Variants in ATG2B observed in about 807,000 individuals in gnomAD.
ATG2B encodes autophagy-related protein 2 homolog B.
A neutral mutation model predicts 241.3 loss-of-function variants in ATG2B; 121 were observed. The observed-to-expected ratio is 0.50, with a 90% CI of 0.43 to 0.58. The LOEUF is 0.58. Ranked by LOEUF, ATG2B falls within the 20% of genes least tolerant of loss-of-function variation. The probability of loss-of-function intolerance (pLI) is 0.00; values close to 1 mark genes in which losing one functional copy is unlikely to be tolerated. For missense variants in ATG2B, 2,306 were observed against 2,491.6 expected, an observed-to-expected ratio of 0.93 and a Z score of 1.59; for synonymous variants, 858 against 876.6, an observed-to-expected ratio of 0.98 and a Z score of 0.37.
intron 18 of ATG2B, among the ~76,000 whole-genome samples, chr14:96,320,280 C>T (rs1003810216): frequency 6.6e-6 from 1 of 152,048 alleles, no homozygotes; most frequent in African/African-American, 2.4e-5. Context: ...CTGTGTCTGG[C>T]TTCAAATCTG....
At position 96,295,220 on chromosome 14, in the gene ATG2B, A is replaced by C. The variant is rs1770547; in HGVS notation, c.5219-53T>G. ...AATTAGATATGCTTCTTCTTAGCAAACATTTAAATCAATCTTGATCTAATT... is the reference window on the plus strand; with the variant it reads ...AATTAGATATGCTTCTTCTTAGCAACCATTTAAATCAATCTTGATCTAATT... On this transcript the variant is annotated intron_variant, in intron 35 of 41. Transcript: ENST00000359933. 1,025,224 of 1,400,320 alleles carry C rather than the reference A, an allele frequency of 0.73. 377,040 individuals carry two copies. The highest frequency in any genetic ancestry group is 0.82 in the East Asian group (35,783 of 43,522). 86.7% of individuals were successfully genotyped at this position (1,400,320 alleles called of 1,614,324 possible).
At chr14:96,337,194 G>A (rs1426317980) in intron 6 of ATG2B, among the ~76,000 whole-genome samples, 1 of 152,180 alleles carries the variant, frequency 6.6e-6, no homozygotes, top group Non-Finnish European at 1.5e-5. Flanking sequence ...TGGCTGGCAT[G>A]TGGTAGTCAC....
chr14:96,348,922 AAAAATTAAAAAG>A (rs1156644963), intron 1 of ATG2B, among the ~76,000 whole-genome samples: 1 of 152,208 alleles, frequency 6.6e-6, no homozygotes, highest in Non-Finnish European at 1.5e-5. Context: ...ATTAAAAGTT[AAAAATTAAAAAG>A]AAAGCAGAGA....
At position 96,290,875 on chromosome 14, in the gene ATG2B, C is replaced by T. The variant is rs781044512; in HGVS notation, c.5640G>A (p.Lys1880=). ...CCAGGATTCCTGGTAGCTGGTTCTT[C>T]TTAATGTCATTAAGCCACTCAGTGA... ...YAITEWLNDI[K]KNQLPGILGG... The change falls in exon 39 of 42, where the codon AAG becomes AAA. Residue 1880 remains lysine, a synonymous_variant. Coordinates refer to ENST00000359933, the MANE Select transcript of ATG2B (RefSeq NM_018036.7). The surrounding 1 kb of genome is among the most constrained non-coding windows in gnomAD (Gnocchi z 4.4). The T allele has an allele frequency of 6.2e-7, 1 of 1,613,994 alleles. No individual in the cohort carries two copies. The highest frequency in any genetic ancestry group is 8.5e-7 in the Non-Finnish European group (1 of 1,179,924).
At position 96,315,192 on chromosome 14, in the gene ATG2B, G is replaced by A; in HGVS notation, c.3604C>T (p.His1202Tyr). Residue 1202 changes from histidine (H) to tyrosine (Y), a missense_variant, in exon 23 of 42, where the codon CAT becomes TAT. Physicochemically the swap from His to Tyr is moderately conservative, Grantham distance 83. This residue lies in a region of ATG2B where 1,927 missense variants were observed against 2,011.2 expected (regional missense o/e 0.96). Transcript: ENST00000359933. ...CTAAGCCCAGAAGGAAGCATTCTAT[G>A]CTGGAGAGTGGCTCCTTTCAGTCCT... Reference protein sequence around the residue: ...AVGLKGATLQHRMLPSGLSWH... With the variant: ...AVGLKGATLQYRMLPSGLSWH... The A allele has an allele frequency of 1.2e-6, 2 of 1,614,164 alleles. No homozygotes were observed. The highest frequency in any genetic ancestry group is 8.5e-7 in the Non-Finnish European group (1 of 1,179,998).
intron 31 of ATG2B, among the ~76,000 whole-genome samples, chr14:96,304,947 A>C (rs980734394): frequency 6.6e-6 from 1 of 152,072 alleles, no homozygotes; most frequent in Non-Finnish European, 1.5e-5. Context: ...TAGTCAGAAC[A>C]CAAGTCCTAG....
chr14:96,332,182 T>C (rs1406133960), intron 10 of ATG2B, 123 bp downstream of exon 10: 1 of 698,580 alleles, frequency 1.4e-6, no homozygotes, highest in Admixed American at 2.8e-5. Flanking sequence ...TGGTTCATTT[T>C]GCTTTCTGAA....
chr14:96,297,002 C>T (rs796478656), intron 34 of ATG2B, among the ~76,000 whole-genome samples: 6 of 152,062 alleles, frequency 3.9e-5, no homozygotes, highest in African/African-American at 9.6e-5. Flanking sequence ...CAGGTGGTTT[C>T]GTCAGTAGTG....
rs928926057 is a variant in ATG2B at position 96,283,857 on chromosome 14, G to A, written c.*1898C>T. ...ATTACATCGACAACAGGTGCAGGAG[G>A]GTAGAACAAAGAAAGAACCGCGGAG... On this transcript the variant is annotated 3_prime_UTR_variant, in exon 42 of 42. Coordinates refer to ENST00000359933, the MANE Select transcript of ATG2B (RefSeq NM_018036.7). 6.6e-6 allele frequency: 1 copy of A among 152,046 alleles called. No homozygotes were observed. Among genetic ancestry groups the A allele is most frequent in the African/African-American group, 2.4e-5 (1 of 41,402 alleles). The allele number at this position is 152,046 out of a possible 1,614,324, so 9.4% of individuals were successfully genotyped here. A position where few individuals can be genotyped will look rare whatever the true frequency, so the allele number is the denominator to read the frequency against.
intron 16 of ATG2B, 151 bp downstream of exon 16, chr14:96,323,745 C>A (rs1033471753): frequency 4.6e-6 from 3 of 653,806 alleles, no homozygotes. Context: ...CTCACACATT[C>A]ATGTGAACAC....
chr14:96,318,615 C>T (rs1450915983), intron 18 of ATG2B, among the ~76,000 whole-genome samples: 2 of 152,112 alleles, frequency 1.3e-5, no homozygotes, highest in African/African-American at 4.8e-5. Context: ...GAGAAAAACC[C>T]TTATGACTAG....
chr14:96,290,366 T>A lies in ATG2B; in HGVS notation c.5856+70A>T. On this transcript the variant is annotated intron_variant, in intron 40 of 41. Transcript: ENST00000359933. The surrounding 1 kb of genome is among the most constrained non-coding windows in gnomAD (Gnocchi z 4.4). ...TTTGTATATCTTCACAGTATCGTTT[T>A]AAAAACAAAAGGACCCAACCATTTC... 1.3e-6 allele frequency: 2 copies of A among 1,541,470 alleles called. No homozygotes were observed. The highest frequency in any genetic ancestry group is 2.5e-5 in the South Asian group (2 of 81,286).
At chr14:96,318,058 G>A (rs772838783) in intron 18 of ATG2B, among the ~76,000 whole-genome samples, 8 of 152,184 alleles carry the variant, frequency 5.3e-5, no homozygotes, top group Non-Finnish European at 8.8e-5. Flanking sequence ...TGGCTATAAT[G>A]CAGGGCAGTG....
At chr14:96,345,187 T>C (rs750234523) in intron 3 of ATG2B, 46 bp downstream of exon 3, 2 of 1,533,626 alleles carry the variant, frequency 1.3e-6, no homozygotes, top group Admixed American at 1.9e-5. Flanking sequence ...GGTACAAAAC[T>C]ACTAAATCAA....
chr14:96,314,276 T>C (rs1288845110), intron 23 of ATG2B, among the ~76,000 whole-genome samples: 1 of 152,240 alleles, frequency 6.6e-6, no homozygotes, highest in Non-Finnish European at 1.5e-5. Flanking sequence ...ATAAGAAACA[T>C]GAGAAGCAAT....
Position 96,332,576 on chromosome 14 carries a change from TG to T in ATG2B, c.1286del (p.Pro429GlnfsTer9), listed in dbSNP as rs770299390. 3 of 1,610,978 alleles carry T rather than the reference TG, an allele frequency of 1.9e-6. No individual in the cohort carries two copies. The highest frequency in any genetic ancestry group is 2.5e-6 in the Non-Finnish European group (3 of 1,178,950). On this transcript the variant is annotated frameshift_variant, in exon 9 of 42. Transcript: ENST00000359933. LOFTEE classifies it high-confidence loss of function. ...TTAATGATAACTCAAGGTCCATGTTTGGGGGGTCCCCAAGGGGTGGAAGAGA... is the reference window on the plus strand; with the variant it reads ...TTAATGATAACTCAAGGTCCATGTTTGGGGGTCCCCAAGGGGTGGAAGAGA... ...LSSLPPLGDP[P>X]NMDLELSLTS... is the part of the protein sequence containing the mutation.
chr14:96,311,688 A>C, intron 26 of ATG2B, 70 bp from the exon 27 acceptor site: 1 of 912,358 alleles, frequency 1.1e-6, no homozygotes. Flanking sequence ...CCAACACCCA[A>C]TACAACTAGC....
chr14:96,294,865 T>C (rs935368444), intron 36 of ATG2B, 95 bp downstream of exon 36: 1 of 1,117,592 alleles, frequency 8.9e-7, no homozygotes, highest in African/African-American at 1.6e-5. Flanking sequence ...AAAGAAAAGC[T>C]GACGGAACCT....
Position 96,301,966 on chromosome 14 carries a change from A to G in ATG2B, c.5139+41T>C, listed in dbSNP as rs371283518. 6.9e-4 allele frequency: 973 copies of G among 1,416,448 alleles called. 5 individuals are homozygous for G. The highest frequency in any genetic ancestry group is 3.1e-4 in the Non-Finnish European group (310 of 1,005,306). The allele number at this position is 1,416,448 out of a possible 1,614,324, so 87.7% of individuals were successfully genotyped here. ...TTTCTTTATTCTGAACATGCAGTCT[A>G]ATCTAACTGTAACGGCAGGAATCAC... is the stretch of plus-strand genomic sequence containing the variant. On this transcript the variant is annotated intron_variant, in intron 34 of 41. Coordinates refer to ENST00000359933, the MANE Select transcript of ATG2B (RefSeq NM_018036.7).
Sources: gnomAD v4.1 joint callset for allele counts (sites outside exome capture counted in the v4.1 genomes callset) on GRCh38, gnomAD v4.1.1 for gene constraint, gnomAD v4.1.1 regional missense constraint, Gnocchi (gnomAD v3.1) non-coding constraint, MANE v1.5 for transcripts, NCBI Gene and HGNC (gene_info 2026-07-23, HGNC 2026-07-21) for gene names.